Variants in CSRNP3 observed in about 807,000 individuals in gnomAD.
The protein encoded by CSRNP3 is cysteine/serine-rich nuclear protein 3.
CSRNP3 carries 12 observed loss-of-function variants against 48.0 expected under a neutral mutation model. That is an observed-to-expected ratio of 0.25 (90% confidence interval 0.16 to 0.41). The LOEUF (loss-of-function observed/expected upper bound fraction) is 0.41, where lower values mean the gene tolerates loss of function less well. CSRNP3 is among the 10% of genes least tolerant of loss of function. The pLI is 1.00. For synonymous variants in CSRNP3, 263 were observed against 269.7 expected (o/e 0.98, Z 0.24); for missense variants, 580 against 724.4 (o/e 0.80, Z 2.29).
chr2:165,484,217 C>T (rs569442376), intron 1 of CSRNP3, among the ~76,000 whole-genome samples: 1 of 152,134 alleles, frequency 6.6e-6, no homozygotes, highest in Admixed American at 6.5e-5. Flanking sequence ...CTCAGCCTCC[C>T]AAGTAGCTGG....
At chr2:165,670,289 T>C (rs1475144642) in intron 5 of CSRNP3, among the ~76,000 whole-genome samples, 1 of 152,156 alleles carries the variant, frequency 6.6e-6, no homozygotes, top group Non-Finnish European at 1.5e-5. Context: ...AAATGCCCCA[T>C]GTTCACCCTA....
chr2:165,568,227 A>C (rs554404724), intron 3 of CSRNP3, among the ~76,000 whole-genome samples: 1 of 151,820 alleles, frequency 6.6e-6, no homozygotes, highest in African/African-American at 2.4e-5. Context: ...TCAACTGCCA[A>C]AATTGTCTTC....
At chr2:165,614,005 CA>C (rs1227334702) in intron 4 of CSRNP3, among the ~76,000 whole-genome samples, 1 of 149,826 alleles carries the variant, frequency 6.7e-6, no homozygotes, top group East Asian at 2.1e-4. Context: ...GTCGTTTTAA[CA>C]ATATGAATTC....
intron 2 of CSRNP3, among the ~76,000 whole-genome samples, chr2:165,495,459 C>A (rs1270425749): frequency 6.6e-6 from 1 of 152,018 alleles, no homozygotes; most frequent in Non-Finnish European, 1.5e-5. Flanking sequence ...CAGCTTTCTT[C>A]ATGTATATAC....
At chr2:165,616,002 A>G (rs888341581) in intron 4 of CSRNP3, among the ~76,000 whole-genome samples, 6 of 147,336 alleles carry the variant, frequency 4.1e-5, no homozygotes, top group African/African-American at 1.3e-4. Context: ...AGTCACTGGG[A>G]TTACAGGCAT....
At chr2:165,652,143 T>C (rs954883383) in intron 4 of CSRNP3, among the ~76,000 whole-genome samples, 1 of 152,148 alleles carries the variant, frequency 6.6e-6, no homozygotes. Flanking sequence ...TATATAGTAG[T>C]GTTGTATATA....
chr2:165,675,425 ACTT>A (rs760219316), intron 5 of CSRNP3, among the ~76,000 whole-genome samples: 5 of 152,102 alleles, frequency 3.3e-5, no homozygotes, highest in Non-Finnish European at 7.3e-5. Context: ...TTCAGAGAAA[ACTT>A]CTTTTTCTAA....
chr2:165,621,160 G>T (rs1435655464), intron 4 of CSRNP3, among the ~76,000 whole-genome samples: 2 of 152,074 alleles, frequency 1.3e-5, no homozygotes, highest in Non-Finnish European at 2.9e-5. Context: ...CCAGTTCCTG[G>T]TTAGCAGTCG....
chr2:165,509,312 A>G (rs1197447888), intron 2 of CSRNP3, among the ~76,000 whole-genome samples: 3 of 152,206 alleles, frequency 2.0e-5, no homozygotes, highest in Non-Finnish European at 4.4e-5. Context: ...GTGAGGGAGT[A>G]GGCCATGTAA....
intron 1 of CSRNP3, among the ~76,000 whole-genome samples, chr2:165,492,633 A>G (rs898402783): frequency 3.3e-5 from 5 of 150,256 alleles, no homozygotes; most frequent in Non-Finnish European, 7.4e-5. Context: ...ATTTATCTCC[A>G]TATGATGTTT....
Position 165,684,137 on chromosome 2 carries a change from T to A in CSRNP3, c.*4384T>A, listed in dbSNP as rs1687590964. Reference sequence around the variant, plus strand: ...ACAACAGTGTGGAACACAATCACTCTTACTTCTATTTATAAAAAGCCTATC... The same window carrying A: ...ACAACAGTGTGGAACACAATCACTCATACTTCTATTTATAAAAAGCCTATC... On this transcript the variant is annotated 3_prime_UTR_variant, in exon 7 of 7. Coordinates refer to ENST00000651982, the MANE Select transcript of CSRNP3 (RefSeq NM_001172173.2). 1 of 152,096 alleles carries A rather than the reference T, an allele frequency of 6.6e-6. No homozygotes were observed. Among genetic ancestry groups the A allele is most frequent in the Admixed American group, 6.6e-5 (1 of 15,244 alleles). The allele number at this position is 152,096 out of a possible 1,614,324, so 9.4% of individuals were successfully genotyped here.
intron 4 of CSRNP3, among the ~76,000 whole-genome samples, chr2:165,645,574 A>G (rs1686797650): frequency 6.6e-6 from 1 of 152,292 alleles, no homozygotes; most frequent in South Asian, 2.1e-4. Context: ...CTATAGAAAA[A>G]TCACAGTTAT....
intron 4 of CSRNP3, among the ~76,000 whole-genome samples, chr2:165,607,149 G>A (rs965240755): frequency 6.6e-6 from 1 of 152,032 alleles, no homozygotes; most frequent in African/African-American, 2.4e-5. Context: ...ACGCCTTCGT[G>A]CCATTATTTT....
chr2:165,639,997 A>G (rs1379191365), intron 4 of CSRNP3, among the ~76,000 whole-genome samples: 2 of 152,234 alleles, frequency 1.3e-5, no homozygotes, highest in Admixed American at 6.5e-5. Flanking sequence ...CCAGAATGCT[A>G]TACATTTAAA....
At chr2:165,487,930 A>T (rs1413730549) in intron 1 of CSRNP3, among the ~76,000 whole-genome samples, 3 of 139,178 alleles carry the variant, frequency 2.2e-5, no homozygotes, top group African/African-American at 8.3e-5. Context: ...GACAGGATCA[A>T]ATTCACACAT....
intron 1 of CSRNP3, among the ~76,000 whole-genome samples, chr2:165,479,897 A>AG (rs1225554572): frequency 1.3e-5 from 2 of 152,000 alleles, no homozygotes; most frequent in East Asian, 3.9e-4. Flanking sequence ...AAAAAAAAAA[A>AG]ATAGTCCTGC....
intron 3 of CSRNP3, among the ~76,000 whole-genome samples, chr2:165,520,100 T>TTACTACAAGTATATGATACATA (rs1433068533): frequency 2.0e-5 from 3 of 152,188 alleles, no homozygotes; most frequent in African/African-American, 7.2e-5. Context: ...GATGATACAG[T>TTACTACAAGTATATGATACATA]TACTACAAGT....
At chr2:165,574,513 C>T in intron 3 of CSRNP3, 1 of 908,268 alleles carries the variant, frequency 1.1e-6, no homozygotes, top group Non-Finnish European at 1.6e-6. Flanking sequence ...TTCATCGTGG[C>T]AATTGGCAGG....
chr2:165,585,120 AAACT>A (rs1685606348), intron 3 of CSRNP3, among the ~76,000 whole-genome samples: 1 of 152,198 alleles, frequency 6.6e-6, no homozygotes, highest in South Asian at 2.1e-4. Context: ...GATTTAATTT[AAACT>A]AACAGTTAAA....
Sources: gnomAD v4.1 joint callset for allele counts (sites outside exome capture counted in the v4.1 genomes callset) on GRCh38, gnomAD v4.1.1 for gene constraint, MANE v1.5 for transcripts, NCBI Gene and HGNC (gene_info 2026-07-23, HGNC 2026-07-21) for gene names.